SNX13: variants seen among roughly 807,000 people sequenced by gnomAD.
The protein encoded by SNX13 is sorting nexin 13.
In SNX13, 45 loss-of-function variants were observed where a neutral mutation model predicts 133.6. The observed-to-expected ratio is 0.34, with a 90% CI of 0.27 to 0.43. The LOEUF (loss-of-function observed/expected upper bound fraction) is 0.43, where lower values mean the gene tolerates loss of function less well. Ranked by LOEUF, SNX13 falls within the 20% of genes least tolerant of loss-of-function variation. SNX13 has a pLI of 1.00. For missense variants in SNX13, 1,032 were observed against 1,145.1 expected, an observed-to-expected ratio of 0.90 and a Z score of 1.43; for synonymous variants, 414 against 373.9, an observed-to-expected ratio of 1.11 and a Z score of -1.24.
intron 5 of SNX13, chr7:17,880,330 A>C (rs1350123543): frequency 1.3e-5 from 2 of 152,242 alleles, no homozygotes; most frequent in African/African-American, 4.8e-5. Flanking sequence ...ATTCCAAAGC[A>C]AGTGACTTGG....
chr7:17,919,992 G>A (rs1019533412), intron 1 of SNX13, among the ~76,000 whole-genome samples: 7 of 151,904 alleles, frequency 4.6e-5, no homozygotes, highest in African/African-American at 1.7e-4. Context: ...ATTAATGAAT[G>A]AGTAAAGAAT....
At chr7:17,933,458 G>T (rs547595522) in intron 1 of SNX13, among the ~76,000 whole-genome samples, 2 of 151,588 alleles carry the variant, frequency 1.3e-5, no homozygotes, top group African/African-American at 2.4e-5. Flanking sequence ...CAAAAGAATC[G>T]CTTGAACCCG....
At chr7:17,805,334 A>C (rs1020010410) in intron 20 of SNX13, among the ~76,000 whole-genome samples, 1 of 151,840 alleles carries the variant, frequency 6.6e-6, no homozygotes, top group Non-Finnish European at 1.5e-5. Flanking sequence ...AGTATGTTCA[A>C]ATCAATCGGG....
intron 2 of SNX13, among the ~76,000 whole-genome samples, chr7:17,894,486 G>A (rs917150410): frequency 6.6e-6 from 1 of 151,078 alleles, no homozygotes; most frequent in Admixed American, 6.6e-5. Context: ...GGCTATTTAG[G>A]GAAAAAAAAA....
chr7:17,813,587 CTTTT>C (rs1013139810), intron 20 of SNX13, among the ~76,000 whole-genome samples: 7 of 138,406 alleles, frequency 5.1e-5, no homozygotes, highest in Admixed American at 1.4e-4. Flanking sequence ...ATATGAACTC[CTTTT>C]TTTTTTTTTT....
At chr7:17,809,282 CAAAAAAAAAAAAA>C (rs535077123) in intron 20 of SNX13, among the ~76,000 whole-genome samples, 1 of 49,274 alleles carries the variant, frequency 2.0e-5, no homozygotes, top group African/African-American at 8.1e-5. Flanking sequence ...AGATGGAAAG[CAAAAAAAAAAAAA>C]AAAAAAAAAA....
chr7:17,809,971 C>G (rs1446357262), intron 20 of SNX13, among the ~76,000 whole-genome samples: 1 of 151,766 alleles, frequency 6.6e-6, no homozygotes, highest in African/African-American at 2.4e-5. Flanking sequence ...AGCTAAACAG[C>G]GTTTAGAGGA....
chr7:17,872,727 G>T (rs910223997), intron 8 of SNX13, among the ~76,000 whole-genome samples: 4 of 152,204 alleles, frequency 2.6e-5, no homozygotes, highest in African/African-American at 7.2e-5. Flanking sequence ...CTCAGGAATT[G>T]TTATCTATTT....
chr7:17,940,102 ACT>A (rs1173307642), intron 1 of SNX13, among the ~76,000 whole-genome samples, 180 bp downstream of exon 1: 1 of 151,346 alleles, frequency 6.6e-6, no homozygotes, highest in Non-Finnish European at 1.5e-5. Flanking sequence ...AGGTGGTGGG[ACT>A]CTGTTGAGTC....
At chr7:17,833,369 T>C (rs1788744187) in intron 15 of SNX13, among the ~76,000 whole-genome samples, 1 of 151,692 alleles carries the variant, frequency 6.6e-6, no homozygotes, top group Non-Finnish European at 1.5e-5. Context: ...ACGTAAGATA[T>C]TATGAGGATA....
intron 1 of SNX13, among the ~76,000 whole-genome samples, chr7:17,916,231 C>G (rs1021837250): frequency 2.0e-5 from 3 of 151,998 alleles, no homozygotes; most frequent in African/African-American, 7.2e-5. Context: ...CCTAAAAAAA[C>G]TAGAAAAACA....
chr7:17,871,227 G>C (rs963629086), intron 8 of SNX13, among the ~76,000 whole-genome samples: 1 of 152,040 alleles, frequency 6.6e-6, no homozygotes, highest in African/African-American at 2.4e-5. Flanking sequence ...GGATGGTCTC[G>C]ATCTCCTGAC....
In SNX13 at chr7:17,845,702, CA is replaced by C; in HGVS notation, c.1066-9del. 6.5e-7 allele frequency: 1 copy of C among 1,546,622 alleles called. No individual in the cohort carries two copies. Among genetic ancestry groups the C allele is most frequent in the South Asian group, 1.2e-5 (1 of 83,456 alleles). On this transcript the variant is annotated splice_polypyrimidine_tract_variant and intron_variant, in intron 11 of 25. Transcript: ENST00000428135. ...TTTCACAGTATTTATTTCCTACAGGCAAAAGTGAATATAAGTTAATATTTTA... is the reference window on the plus strand; with the variant it reads ...TTTCACAGTATTTATTTCCTACAGGCAAAGTGAATATAAGTTAATATTTTA...
At chr7:17,795,532 T>G (rs1783952519) in intron 25 of SNX13, 1 of 151,708 alleles carries the variant, frequency 6.6e-6, no homozygotes, top group African/African-American at 2.4e-5. Context: ...CTGCAACTCA[T>G]CTGACACTAT....
chr7:17,808,736 G>A lies in SNX13; in HGVS notation c.2065-5156C>T, dbSNP rs868735482. ...TCAGGTTACCCACAAAGGGAAGCCC[G>A]TCAGACTAACAGCAGATCTCTTGGC... is the stretch of plus-strand genomic sequence containing the variant. On this transcript the variant is annotated intron_variant, in intron 20 of 25. Transcript: ENST00000428135. 2.6e-4 allele frequency among the ~76,000 whole-genome samples: 39 copies of A among 152,180 alleles called. 1 individual carries two copies. Among genetic ancestry groups the A allele is most frequent in the African/African-American group, 8.4e-4 (35 of 41,524 alleles).
intron 7 of SNX13, 25 bp downstream of exon 7, chr7:17,875,455 C>A: frequency 6.3e-7 from 1 of 1,594,804 alleles, no homozygotes; most frequent in South Asian, 1.1e-5. Context: ...CTACTATTGT[C>A]AAAAAAGTTA....
At chr7:17,834,028 T>C (rs745451945) in intron 15 of SNX13, 24 bp downstream of exon 15, 2 of 1,460,220 alleles carry the variant, frequency 1.4e-6, no homozygotes, top group Non-Finnish European at 1.8e-6. Context: ...ATGCATATTA[T>C]GTGTAAAATG....
At chr7:17,889,887 A>G (rs1796440680) in intron 5 of SNX13, 1 of 152,342 alleles carries the variant, frequency 6.6e-6, no homozygotes, top group African/African-American at 2.4e-5. Flanking sequence ...AATATTTTCC[A>G]CTGACTTATG....
At chr7:17,823,262 C>A (rs1474917888) in intron 17 of SNX13, among the ~76,000 whole-genome samples, 2 of 152,052 alleles carry the variant, frequency 1.3e-5, no homozygotes, top group Non-Finnish European at 2.9e-5. Flanking sequence ...CCTTTCTATG[C>A]GTGGAAGGCA....
Sources: allele counts gnomAD v4.1 joint callset (sites outside exome capture counted in the v4.1 genomes callset), GRCh38; gene constraint gnomAD v4.1.1; transcripts MANE v1.5; gene names NCBI Gene and HGNC (gene_info 2026-07-23, HGNC 2026-07-21).